Variants in CIDEA observed in about 807,000 individuals in gnomAD.
The protein encoded by CIDEA is cell death inducing DFFA like effector a.
Under a neutral mutation model 18.2 loss-of-function variants are expected in CIDEA, and 10 were observed. The ratio of observed to expected loss-of-function variants is 0.55; its 90% CI spans 0.34 to 0.93. The LOEUF is 0.93. Among genes scored for constraint, CIDEA ranks in the 40% least tolerant of loss-of-function variants. The probability of loss-of-function intolerance (pLI) is 0.02; values close to 1 mark genes in which losing one functional copy is unlikely to be tolerated. For missense variants in CIDEA, 309 were observed against 293.1 expected, an observed-to-expected ratio of 1.05 and a Z score of -0.40; for synonymous variants, 128 against 124.8, an observed-to-expected ratio of 1.03 and a Z score of -0.17.
At position 12,254,412 on chromosome 18, in the gene CIDEA, C is replaced by A. The variant is rs1477416313; in HGVS notation, c.29C>A (p.Ala10Asp). MEAARDYAG[A>D]LIRPLTFMGS... ...GAGGCCGCCCGGGACTATGCAGGAG[C>A]CCTCATCAGGCGAGTGCCCCGCGTC... is the stretch of plus-strand genomic sequence containing the variant. Residue 10 changes from alanine (A) to aspartate (D), a missense_variant, in exon 1 of 5, where the codon GCC (alanine) becomes GAC (aspartate). Physicochemically the swap from Ala to Asp is moderately radical, Grantham distance 126. Transcript: ENST00000320477. 3 of 1,586,462 alleles carry A rather than the reference C, an allele frequency of 1.9e-6. No individual in the cohort carries two copies. The highest frequency in any genetic ancestry group is 3.4e-5 in the Admixed American group (2 of 58,274).
intron 3 of CIDEA, among the ~76,000 whole-genome samples, chr18:12,271,301 C>G (rs1287772914): frequency 1.3e-5 from 2 of 152,084 alleles, no homozygotes; most frequent in Non-Finnish European, 2.9e-5. Flanking sequence ...GGGTAGAGGC[C>G]GAAGTCTTCA....
chr18:12,271,592 A>G (rs1407238999), intron 3 of CIDEA, among the ~76,000 whole-genome samples: 1 of 152,140 alleles, frequency 6.6e-6, no homozygotes, highest in African/African-American at 2.4e-5. Flanking sequence ...TAAAGGAGAC[A>G]CTCAGCTAAC....
At chr18:12,270,640 TAGCACCAATGCACTCC>T (rs1422963176) in intron 3 of CIDEA, among the ~76,000 whole-genome samples, 1 of 124,146 alleles carries the variant, frequency 8.1e-6, no homozygotes, top group African/African-American at 3.2e-5. Flanking sequence ...TGAGCTGAGA[TAGCACCAATGCACTCC>T]AGCCTGGGCG....
At chr18:12,264,959 A>G (rs760089480) in intron 3 of CIDEA, among the ~76,000 whole-genome samples, 13 of 152,218 alleles carry the variant, frequency 8.5e-5, no homozygotes, top group Non-Finnish European at 1.0e-4. Flanking sequence ...TCTCTCTGTG[A>G]ACTGAGGCTA....
At chr18:12,255,327 G>A (rs1912000494) in intron 1 of CIDEA, among the ~76,000 whole-genome samples, 1 of 152,200 alleles carries the variant, frequency 6.6e-6, no homozygotes, top group Non-Finnish European at 1.5e-5. Context: ...TACGTGTGGC[G>A]GGCAGAGAGA....
chr18:12,277,142 T>A lies in CIDEA; in HGVS notation c.532T>A (p.Ser178Thr). Residue 178 changes from serine to threonine, a missense_variant, in exon 5 of 5, where the codon TCC becomes ACC. Ser to Thr is a moderately conservative substitution (Grantham distance 58). Transcript: ENST00000320477. Reference sequence around the variant, plus strand: ...CCACAGGAGTCTGCTGCGGTTCCTGTCCTACTCCGCCCAGGTGACGGGACA... The same window carrying A: ...CCACAGGAGTCTGCTGCGGTTCCTGACCTACTCCGCCCAGGTGACGGGACA... The part of the protein sequence containing the change: ...GLLRSLLRFL[S>T]YSAQVTGQFL... 1 of 1,614,194 alleles carries A rather than the reference T, an allele frequency of 6.2e-7. No individual in the cohort carries two copies. Among genetic ancestry groups the A allele is most frequent in the Non-Finnish European group, 8.5e-7 (1 of 1,180,044 alleles).
intron 1 of CIDEA, among the ~76,000 whole-genome samples, chr18:12,257,461 C>A (rs547130283): frequency 1.3e-5 from 2 of 152,314 alleles, no homozygotes; most frequent in South Asian, 4.1e-4. Context: ...ATTCTCTGTA[C>A]GGCTCAGGTT....
rs761398792 is a variant in CIDEA at position 12,277,197 on chromosome 18, T to C, written c.587T>C (p.Leu196Pro). ...QFLIYLGTYM[L>P]RVLDDKEERP... The stretch of plus-strand genomic sequence containing the variant: ...CTCATCTATCTGGGCACATACATGC[T>C]CCGGGTGCTGGATGACAAGGAAGAG... The change falls in exon 5 of 5, where the codon CTC becomes CCC. Residue 196 changes from leucine (L) to proline (P), a missense_variant. Coordinates refer to ENST00000320477, the MANE Select transcript of CIDEA (RefSeq NM_001279.4). 6 of 1,614,116 alleles carry C rather than the reference T, an allele frequency of 3.7e-6. No individual in the cohort carries two copies. The East Asian group carries it at 1.3e-4, about 36-fold the overall frequency.
intron 1 of CIDEA, among the ~76,000 whole-genome samples, chr18:12,260,175 TTTTGTTTGTTTGTTTG>T (rs144412869): frequency 2.1e-4 from 32 of 150,954 alleles, no homozygotes; most frequent in Non-Finnish European, 2.8e-4. Context: ...TTGGTCTGTT[TTTTGTTTGTTTGTTTG>T]TTTGTTTGTT....
At chr18:12,274,364 C>G (rs974538527) in intron 4 of CIDEA, 90 bp downstream of exon 4, 7 of 1,299,434 alleles carry the variant, frequency 5.4e-6, no homozygotes, top group Non-Finnish European at 7.6e-6. Flanking sequence ...CTCTGGGCTC[C>G]CAGGCCGGCT....
chr18:12,266,781 GACAGAGTCTC>G (rs1912361635), intron 3 of CIDEA, among the ~76,000 whole-genome samples: 1 of 141,452 alleles, frequency 7.1e-6, no homozygotes, highest in African/African-American at 2.6e-5. Context: ...TTTTTTTTGA[GACAGAGTCTC>G]ACTCTGTTGC....
intron 4 of CIDEA, among the ~76,000 whole-genome samples, chr18:12,274,689 C>T (rs1912656896): frequency 6.6e-6 from 1 of 152,222 alleles, no homozygotes; most frequent in Non-Finnish European, 1.5e-5. Flanking sequence ...CTCCTGATAA[C>T]TTCAGCCTTA....
rs148944822 is a variant in CIDEA at position 12,262,979 on chromosome 18, A to G, written c.183+10A>G. On this transcript the variant is annotated intron_variant, in intron 2 of 4. Transcript: ENST00000320477. ...GGAGCTCATCAGCAAGGTGCCCCAC[A>G]TCCCGCACCTCTCCCCCAGTCCACA... is the stretch of plus-strand genomic sequence containing the variant. 6.2e-7 allele frequency: 1 copy of G among 1,613,604 alleles called. No individual in the cohort carries two copies. Among genetic ancestry groups the G allele is most frequent in the Non-Finnish European group, 8.5e-7 (1 of 1,179,832 alleles).
chr18:12,270,675 A>G, intron 3 of CIDEA, among the ~76,000 whole-genome samples: 1 of 131,910 alleles, frequency 7.6e-6, no homozygotes, highest in Non-Finnish European at 1.6e-5. Flanking sequence ...CGACAGAGCA[A>G]GACTCCGTCT....
chr18:12,274,771 A>G (rs1358245410), intron 4 of CIDEA, among the ~76,000 whole-genome samples: 1 of 152,244 alleles, frequency 6.6e-6, no homozygotes, highest in Non-Finnish European at 1.5e-5. Context: ...GACGAAGGCC[A>G]GGCTGGTTGC....
At chr18:12,263,189 G>A (rs529238471) in intron 2 of CIDEA, among the ~76,000 whole-genome samples, 1 of 152,164 alleles carries the variant, frequency 6.6e-6, no homozygotes, top group Non-Finnish European at 1.5e-5. Context: ...ATGTGGCCCA[G>A]GCTGGCCTCA....
rs753959967 is a variant in CIDEA, at chr18:12,262,812, C to T, written c.39-13C>T. Reference sequence around the variant, plus strand: ...TCTTTTTAAAAAGTTTTACTTTTCACCTCCATTTTCAGGCCCCTGACATTT... The same window carrying T: ...TCTTTTTAAAAAGTTTTACTTTTCATCTCCATTTTCAGGCCCCTGACATTT... On this transcript the variant is annotated splice_polypyrimidine_tract_variant and intron_variant, in intron 1 of 4. Transcript: ENST00000320477. 3 of 1,607,036 alleles carry T rather than the reference C, an allele frequency of 1.9e-6. No individual in the cohort carries two copies. In the East Asian group the frequency reaches 6.7e-5, roughly 36 times the overall value.
rs1555661695 is a variant in CIDEA, at chr18:12,262,805, CT to C, written c.39-16del. ...GACAGACTCTTTTTAAAAAGTTTTA[CT>C]TTTCACCTCCATTTTCAGGCCCCTG... On this transcript the variant is annotated intron_variant, in intron 1 of 4. Transcript: ENST00000320477. 1.2e-5 allele frequency: 20 copies of C among 1,603,928 alleles called. No homozygotes were observed. The highest frequency in any genetic ancestry group is 1.7e-5 in the Non-Finnish European group (20 of 1,171,762).
chr18:12,267,100 C>T (rs1417370722), intron 3 of CIDEA, among the ~76,000 whole-genome samples: 1 of 151,970 alleles, frequency 6.6e-6, no homozygotes, highest in Non-Finnish European at 1.5e-5. Flanking sequence ...CACTCCTCTA[C>T]TACCACCAAC....
Sources: gnomAD v4.1 joint callset for allele counts (sites outside exome capture counted in the v4.1 genomes callset) on GRCh38, gnomAD v4.1.1 for gene constraint, MANE v1.5 for transcripts, NCBI Gene and HGNC (gene_info 2026-07-23, HGNC 2026-07-21) for gene names.